C9orf153: variants seen among roughly 807,000 people sequenced by gnomAD.
The protein encoded by C9orf153 is chromosome 9 open reading frame 153.
In C9orf153, 10 loss-of-function variants were observed where a neutral mutation model predicts 9.0. That is an observed-to-expected ratio of 1.11 (90% CI 0.69 to 1.89). The LOEUF (loss-of-function observed/expected upper bound fraction) is 1.89, where lower values mean the gene tolerates loss of function less well. C9orf153 is among the 40% of genes most tolerant of loss of function. C9orf153 has a pLI of 0.00. For synonymous variants in C9orf153, 35 were observed against 37.3 expected (o/e 0.94, Z 0.23); for missense variants, 108 against 111.0 (o/e 0.97, Z 0.12).
intron 1 of C9orf153, among the ~76,000 whole-genome samples, chr9:86,239,694 A>G (rs968511177): frequency 1.3e-5 from 2 of 152,238 alleles, no homozygotes; most frequent in Non-Finnish European, 2.9e-5. Context: ...CTCAAGTTAT[A>G]TTGTTGGTTG....
intron 1 of C9orf153, among the ~76,000 whole-genome samples, chr9:86,237,216 C>A (rs1363092629): frequency 6.6e-6 from 1 of 151,938 alleles, no homozygotes; most frequent in Non-Finnish European, 1.5e-5. Flanking sequence ...AAAATTGAAT[C>A]ATATAAAATG....
intron 1 of C9orf153, among the ~76,000 whole-genome samples, chr9:86,241,383 G>T (rs1028756557): frequency 4.1e-4 from 62 of 152,246 alleles, no homozygotes; most frequent in African/African-American, 1.5e-3. Context: ...CCAGGTGGGG[G>T]ATCCCCATCT....
At chr9:86,234,972 G>C (rs2131184594) in intron 1 of C9orf153, among the ~76,000 whole-genome samples, 1 of 152,280 alleles carries the variant, frequency 6.6e-6, no homozygotes, top group African/African-American at 2.4e-5. Context: ...GAGAAGTAAG[G>C]TCACAGGGCA....
chr9:86,241,151 G>A (rs1028264884), intron 1 of C9orf153, among the ~76,000 whole-genome samples: 1 of 152,128 alleles, frequency 6.6e-6, no homozygotes, highest in African/African-American at 2.4e-5. Context: ...ATGATGGAAA[G>A]TCCACCAACT....
At chr9:86,236,563 AAAAAG>A (rs1278399912) in intron 1 of C9orf153, among the ~76,000 whole-genome samples, 2 of 151,428 alleles carry the variant, frequency 1.3e-5, no homozygotes, top group Non-Finnish European at 2.9e-5. Flanking sequence ...AAAAAAAAAA[AAAAAG>A]AAAAGAAAAA....
intron 3 of C9orf153, among the ~76,000 whole-genome samples, chr9:86,223,296 G>A (rs992887456): frequency 6.6e-6 from 1 of 151,966 alleles, no homozygotes; most frequent in African/African-American, 2.4e-5. Context: ...GGAGAAACCT[G>A]GTCCTACCAA....
chr9:86,224,063 T>C (rs1030391468), intron 3 of C9orf153, among the ~76,000 whole-genome samples: 3 of 152,104 alleles, frequency 2.0e-5, no homozygotes, highest in Non-Finnish European at 4.4e-5. Flanking sequence ...GAGGCCAACC[T>C]GGGCAACATA....
At chr9:86,234,037 C>A (rs1205816644) in intron 1 of C9orf153, among the ~76,000 whole-genome samples, 1 of 152,010 alleles carries the variant, frequency 6.6e-6, no homozygotes, top group Non-Finnish European at 1.5e-5. Flanking sequence ...GAGCTGAGAT[C>A]AAGCCACTGC....
rs1554685461 is a variant in C9orf153 at position 86,240,712 on chromosome 9, T to TTC, written c.-26-11084_-26-11083insGA. ...TTTCTTTTCTTTTTCTTTTTCTTTT[T>TTC]TTTTTTTTTTTTTTGAGATGGAGTC... On this transcript the variant is annotated intron_variant, in intron 1 of 3. Transcript: ENST00000339137. Among the ~76,000 whole-genome samples, 46 of 73,700 alleles carry TTC rather than the reference T, an allele frequency of 6.2e-4. 1 individual carries two copies. Among genetic ancestry groups the TTC allele is most frequent in the South Asian group, 5.7e-4 (1 of 1,756 alleles). 48.4% of individuals were successfully genotyped at this position (73,700 alleles called of 152,430 possible).
chr9:86,247,257 GCTCT>G (rs564438707), intron 1 of C9orf153, among the ~76,000 whole-genome samples: 243 of 152,306 alleles, frequency 1.6e-3, no homozygotes, highest in Non-Finnish European at 3.0e-3. Flanking sequence ...TACAGTGAAT[GCTCT>G]CTGTCTTTTT....
At chr9:86,223,996 T>C (rs1824263380) in intron 3 of C9orf153, among the ~76,000 whole-genome samples, 1 of 152,184 alleles carries the variant, frequency 6.6e-6, no homozygotes, top group African/African-American at 2.4e-5. Context: ...GGCATGCACC[T>C]GTAGTCCCAG....
At chr9:86,237,551 G>C (rs375468643) in intron 1 of C9orf153, among the ~76,000 whole-genome samples, 178 of 152,238 alleles carry the variant, frequency 1.2e-3, no homozygotes, top group African/African-American at 4.2e-3. Context: ...CCAAGTAGGT[G>C]GGACTACATG....
chr9:86,228,038 C>CAAA lies in C9orf153; in HGVS notation c.67-11_67-9dup. ...TGCATATAATTCTGGAAGCTGTGGA[C>CAAA]AAAAAAAAAAGTGGTAAGTCACGAG... On this transcript the variant is annotated splice_polypyrimidine_tract_variant and intron_variant, in intron 2 of 3. Transcript: ENST00000339137. 2.3e-6 allele frequency: 3 copies of CAAA among 1,283,810 alleles called. No individual in the cohort carries two copies. Among genetic ancestry groups the CAAA allele is most frequent in the Non-Finnish European group, 3.1e-6 (3 of 960,400 alleles). The allele number at this position is 1,283,810 out of a possible 1,614,324, so 79.5% of individuals were successfully genotyped here.
intron 1 of C9orf153, among the ~76,000 whole-genome samples, chr9:86,253,232 A>T (rs917683188): frequency 6.6e-6 from 1 of 152,244 alleles, no homozygotes. Context: ...TTTGGATATG[A>T]GCAGACTGCT....
chr9:86,221,855 A>AGAGG, intron 3 of C9orf153, 122 bp from the exon 4 acceptor site: 2 of 551,158 alleles, frequency 3.6e-6, no homozygotes, highest in Non-Finnish European at 6.3e-6. Context: ...TCTGGCAGAA[A>AGAGG]GCCATTTCTA....
At chr9:86,231,243 G>T (rs1824461734) in intron 1 of C9orf153, among the ~76,000 whole-genome samples, 1 of 152,140 alleles carries the variant, frequency 6.6e-6, no homozygotes, top group Non-Finnish European at 1.5e-5. Flanking sequence ...TTGACAAAGA[G>T]TAAATTATTA....
chr9:86,239,058 G>C (rs1824668520), intron 1 of C9orf153, among the ~76,000 whole-genome samples: 1 of 151,530 alleles, frequency 6.6e-6, no homozygotes, highest in Non-Finnish European at 1.5e-5. Flanking sequence ...TCAGGAGATT[G>C]AGACCATCCT....
intron 3 of C9orf153, among the ~76,000 whole-genome samples, chr9:86,222,554 G>A (rs1178497515): frequency 1.3e-5 from 2 of 152,054 alleles, no homozygotes; most frequent in African/African-American, 4.8e-5. Flanking sequence ...ACAAGCTTGA[G>A]GTGTCATTAG....
At chr9:86,231,254 T>C (rs901877316) in intron 1 of C9orf153, among the ~76,000 whole-genome samples, 1 of 152,226 alleles carries the variant, frequency 6.6e-6, no homozygotes, top group African/African-American at 2.4e-5. Flanking sequence ...TAAATTATTA[T>C]TGTTTCAAAC....
Sources: gnomAD v4.1 joint callset for allele counts (sites outside exome capture counted in the v4.1 genomes callset) on GRCh38, gnomAD v4.1.1 for gene constraint, MANE v1.5 for transcripts, NCBI Gene and HGNC (gene_info 2026-07-23, HGNC 2026-07-21) for gene names.